Variants in FAM120B observed in about 807,000 individuals in gnomAD.
FAM120B encodes the protein constitutive coactivator of peroxisome proliferator-activated receptor gamma.
FAM120B carries 83 observed loss-of-function variants against 96.3 expected under a neutral mutation model. The observed-to-expected ratio is 0.86, with a 90% CI of 0.72 to 1.03. FAM120B has a LOEUF of 1.03. Among genes scored for constraint, FAM120B ranks in the 50% least tolerant of loss-of-function variants. The probability of loss-of-function intolerance (pLI) is 0.00; values close to 1 mark genes in which losing one functional copy is unlikely to be tolerated. For synonymous variants in FAM120B, 407 were observed against 402.7 expected, an observed-to-expected ratio of 1.01 and a Z score of -0.13; for missense variants, 1,027 against 1,121.2, an observed-to-expected ratio of 0.92 and a Z score of 1.20.
intron 4 of FAM120B, among the ~76,000 whole-genome samples, chr6:170,339,926 T>G (rs1786704810): frequency 6.6e-6 from 1 of 152,192 alleles, no homozygotes; most frequent in Non-Finnish European, 1.5e-5. Context: ...TTAACATTTT[T>G]TCCTTCATTT....
At chr6:170,326,918 C>CT (rs1222996710) in intron 3 of FAM120B, among the ~76,000 whole-genome samples, 1 of 151,820 alleles carries the variant, frequency 6.6e-6, no homozygotes, top group Admixed American at 6.6e-5. Context: ...TTTAAATATT[C>CT]TTTTTTTGAA....
upstream of FAM120B, among the ~76,000 whole-genome samples, chr6:170,302,020 T>C (rs7452772): frequency 0.98 from 149,873 of 152,300 alleles, 73,751 homozygotes; most frequent in East Asian, 1. Context: ...TCCACATTTT[T>C]GGGTATCTTT....
At chr6:170,400,417 G>A (rs1778500292) in intron 9 of FAM120B, among the ~76,000 whole-genome samples, 1 of 152,154 alleles carries the variant, frequency 6.6e-6, no homozygotes. Context: ...GGAATGATAA[G>A]AGTCACAGGC....
rs575254892 is a variant in FAM120B at position 170,322,697 on chromosome 6, G to C, written c.1735-382G>C. 2.6e-5 allele frequency among the ~76,000 whole-genome samples: 4 copies of C among 152,296 alleles called. No homozygotes were observed. The South Asian group carries it at 8.3e-4, about 32-fold the overall frequency. On this transcript the variant is annotated intron_variant, in intron 2 of 10. Transcript: ENST00000476287. Reference sequence around the variant, plus strand: ...TGAATAGGGTAGCAAAGTTTTCAAAGACAGTATGGCAATGGTGTGAAGGAT... The same window carrying C: ...TGAATAGGGTAGCAAAGTTTTCAAACACAGTATGGCAATGGTGTGAAGGAT...
intron 9 of FAM120B, among the ~76,000 whole-genome samples, chr6:170,399,193 ACT>A (rs1778390380): frequency 6.9e-6 from 1 of 145,870 alleles, no homozygotes; most frequent in East Asian, 2.0e-4. Flanking sequence ...CTATGTCATA[ACT>A]CTTAGAAGTG....
chr6:170,376,775 T>C (rs1003720239), intron 6 of FAM120B, among the ~76,000 whole-genome samples: 1 of 152,292 alleles, frequency 6.6e-6, no homozygotes, highest in Middle Eastern at 3.4e-3. Context: ...GATGGGAACA[T>C]GGAGAGGAAG....
chr6:170,367,151 A>G (rs931545595), intron 6 of FAM120B, among the ~76,000 whole-genome samples: 3 of 152,242 alleles, frequency 2.0e-5, no homozygotes, highest in Admixed American at 2.0e-4. Flanking sequence ...AAATAATTCT[A>G]TGCCATTGAA....
At chr6:170,342,236 A>G (rs1562546746) in intron 4 of FAM120B, among the ~76,000 whole-genome samples, 1 of 152,226 alleles carries the variant, frequency 6.6e-6, no homozygotes, top group Non-Finnish European at 1.5e-5. Context: ...TGCTAAATAA[A>G]TACTCACTTA....
chr6:170,397,942 C>G (rs937293036), intron 9 of FAM120B, among the ~76,000 whole-genome samples: 1 of 152,036 alleles, frequency 6.6e-6, no homozygotes, highest in Non-Finnish European at 1.5e-5. Flanking sequence ...CTACTCCTAG[C>G]CTCGTGGTAA....
Position 170,388,531 on chromosome 6 carries a change from C to T in FAM120B, c.2490+38C>T, listed in dbSNP as rs373701566. On this transcript the variant is annotated intron_variant, in intron 7 of 10. Transcript: ENST00000476287. ...ACACCTACCTTTCACCAGAAACATC[C>T]CTGTAGCTCCAGGCTGCACAAAAAA... 4.5e-6 allele frequency: 7 copies of T among 1,544,772 alleles called. No individual in the cohort carries two copies. The African/African-American group carries it at 6.8e-5, about 15-fold the overall frequency.
chr6:170,347,606 C>T (rs1787275866), intron 4 of FAM120B, among the ~76,000 whole-genome samples: 1 of 152,174 alleles, frequency 6.6e-6, no homozygotes, highest in African/African-American at 2.4e-5. Flanking sequence ...GCATCCAAGT[C>T]TTCTGAGTTG....
chr6:170,322,981 A>G, intron 2 of FAM120B, 98 bp from the exon 3 acceptor site: 1 of 1,024,950 alleles, frequency 9.8e-7, no homozygotes, highest in Admixed American at 3.0e-5. Context: ...TGAGGGCCTT[A>G]AAAAACTGGC....
At chr6:170,390,850 AC>A (rs1790443308) in intron 7 of FAM120B, among the ~76,000 whole-genome samples, 162 bp from the exon 8 acceptor site, 1 of 152,154 alleles carries the variant, frequency 6.6e-6, no homozygotes, top group African/African-American at 2.4e-5. Context: ...CTGAAGGAGA[AC>A]TGTGCTGCGG....
upstream of FAM120B, among the ~76,000 whole-genome samples, chr6:170,291,447 G>A (rs1263937533): frequency 6.6e-6 from 1 of 152,108 alleles, no homozygotes; most frequent in Non-Finnish European, 1.5e-5. Flanking sequence ...CGAGCAGGAG[G>A]ACGAAGTTCG....
At chr6:170,377,852 A>ACGCCCGGGAGAACACAGGCTCACGC (rs1789652529) in intron 6 of FAM120B, among the ~76,000 whole-genome samples, 1 of 147,096 alleles carries the variant, frequency 6.8e-6, no homozygotes, top group African/African-American at 2.6e-5. Flanking sequence ...CTAATCCCAG[A>ACGCCCGGGAGAACACAGGCTCACGC]TGCCTGGGAG....
At chr6:170,352,649 G>C (rs1182103921) in intron 5 of FAM120B, among the ~76,000 whole-genome samples, 1 of 152,118 alleles carries the variant, frequency 6.6e-6, no homozygotes, top group African/African-American at 2.4e-5. Flanking sequence ...CAACTACATG[G>C]AAATTGAACA....
chr6:170,343,811 G>A (rs1786994900), intron 4 of FAM120B, among the ~76,000 whole-genome samples: 1 of 152,128 alleles, frequency 6.6e-6, no homozygotes. Flanking sequence ...ATGTGGGAGA[G>A]AGAAAAATAA....
chr6:170,376,045 C>G (rs916285139), intron 6 of FAM120B, among the ~76,000 whole-genome samples: 1 of 152,092 alleles, frequency 6.6e-6, no homozygotes, highest in South Asian at 2.1e-4. Flanking sequence ...AATGAATTAC[C>G]TGGGACAGCA....
In FAM120B at chr6:170,323,270, G is replaced by A. The variant is rs1175519122; in HGVS notation, c.1915+11G>A. 3.1e-6 allele frequency: 5 copies of A among 1,608,752 alleles called. No homozygotes were observed. The highest frequency in any genetic ancestry group is 4.2e-6 in the Non-Finnish European group (5 of 1,177,572). ...TGGAGGACTGTCAAGGTGAGAATTG[G>A]TTGGTCCCTCTTAGTAAAGGTTCTA... On this transcript the variant is annotated intron_variant, in intron 3 of 10. Transcript: ENST00000476287.
Sources: allele counts gnomAD v4.1 joint callset (sites outside exome capture counted in the v4.1 genomes callset), GRCh38; gene constraint gnomAD v4.1.1; transcripts MANE v1.5; gene names NCBI Gene and HGNC (gene_info 2026-07-23, HGNC 2026-07-21).